Variants in MTHFS observed in about 807,000 individuals in gnomAD.
The protein encoded by MTHFS is methenyltetrahydrofolate synthetase.
In MTHFS, 7 loss-of-function variants were observed where a neutral mutation model predicts 12.7. The ratio of observed to expected loss-of-function variants is 0.55; its 90% CI spans 0.31 to 1.03. The LOEUF (loss-of-function observed/expected upper bound fraction) is 1.03, where lower values mean the gene tolerates loss of function less well. MTHFS is among the 50% of genes least tolerant of loss of function. MTHFS has a pLI of 0.05. For missense variants in MTHFS, 252 were observed against 258.1 expected, an observed-to-expected ratio of 0.98 and a Z score of 0.16; for synonymous variants, 100 against 97.1, an observed-to-expected ratio of 1.03 and a Z score of -0.18.
chr15:79,889,042 G>A (rs1201990164), intron 2 of MTHFS, 51 bp downstream of exon 2: 1 of 1,596,296 alleles, frequency 6.3e-7, no homozygotes, highest in Non-Finnish European at 8.6e-7. Context: ...GTGGATCTGA[G>A]ATCTAACAAC....
At chr15:79,869,934 C>T (rs766403317) in intron 2 of MTHFS, among the ~76,000 whole-genome samples, 8 of 151,750 alleles carry the variant, frequency 5.3e-5, no homozygotes, top group African/African-American at 1.7e-4. Context: ...ACCAAAGTAA[C>T]TATAATAATA....
chr15:79,887,925 G>T (rs1315111323), intron 2 of MTHFS, among the ~76,000 whole-genome samples: 1 of 152,064 alleles, frequency 6.6e-6, no homozygotes, highest in East Asian at 1.9e-4. Flanking sequence ...ACTGTTACGA[G>T]TCCTTGACCC....
At chr15:79,891,044 GTA>G (rs2034464452) in intron 1 of MTHFS, among the ~76,000 whole-genome samples, 1 of 152,044 alleles carries the variant, frequency 6.6e-6, no homozygotes, top group Non-Finnish European at 1.5e-5. Flanking sequence ...TTATATGATG[GTA>G]AAGAAGCACA....
At chr15:79,849,103 C>T (rs2033667882) in intron 2 of MTHFS, among the ~76,000 whole-genome samples, 1 of 152,126 alleles carries the variant, frequency 6.6e-6, no homozygotes, top group African/African-American at 2.4e-5. Context: ...AACTAAGGCT[C>T]GGAAACAGCC....
rs1464817963 is a variant in MTHFS at position 79,896,984 on chromosome 15, G to A, written c.5C>T (p.Ala2Val). The change falls in exon 1 of 3, where the codon GCG becomes GTG. Residue 2 changes from alanine to valine, a missense_variant. Physicochemically the swap from Ala to Val is moderately conservative, Grantham distance 64 (BLOSUM62 0). Coordinates refer to ENST00000258874, the MANE Select transcript of MTHFS (RefSeq NM_006441.4). M[A>V]AAAVSSAKRS... ...CTTGGCGCTGCTCACCGCTGCCGCC[G>A]CCATCTCACGCCCAAGCCGAGTCCA... is the stretch of plus-strand genomic sequence containing the variant. 2 of 1,528,320 alleles carry A rather than the reference G, an allele frequency of 1.3e-6. No individual in the cohort carries two copies. The highest frequency in any genetic ancestry group is 2.0e-5 in the Admixed American group (1 of 50,544). 94.7% of individuals were successfully genotyped at this position (1,528,320 alleles called of 1,614,324 possible).
At chr15:79,849,853 G>T (rs1369595047) in intron 2 of MTHFS, among the ~76,000 whole-genome samples, 1 of 152,200 alleles carries the variant, frequency 6.6e-6, no homozygotes, top group African/African-American at 2.4e-5. Context: ...ATGTGATCTT[G>T]CATTCCAAAA....
At chr15:79,867,596 A>T (rs968092355) in intron 2 of MTHFS, among the ~76,000 whole-genome samples, 1 of 151,988 alleles carries the variant, frequency 6.6e-6, no homozygotes, top group African/African-American at 2.4e-5. Flanking sequence ...ATAGAAAAAA[A>T]TGTAATGATG....
At chr15:79,850,549 G>A (rs910387850) in intron 2 of MTHFS, among the ~76,000 whole-genome samples, 2 of 152,182 alleles carry the variant, frequency 1.3e-5, no homozygotes, top group Non-Finnish European at 2.9e-5. Flanking sequence ...AAAAACAGGT[G>A]GAGGGCCAGA....
At chr15:79,869,376 T>C (rs1442706273) in intron 2 of MTHFS, among the ~76,000 whole-genome samples, 1 of 151,678 alleles carries the variant, frequency 6.6e-6, no homozygotes, top group African/African-American at 2.4e-5. Flanking sequence ...GCTGCATCTA[T>C]AATATAAAAT....
chr15:79,893,959 C>T (rs1011954739), intron 1 of MTHFS, among the ~76,000 whole-genome samples: 3 of 152,178 alleles, frequency 2.0e-5, no homozygotes, highest in Non-Finnish European at 4.4e-5. Context: ...TGAAAGACAT[C>T]ATTTAACACC....
intron 2 of MTHFS, among the ~76,000 whole-genome samples, chr15:79,883,014 T>A (rs2034322404): frequency 6.6e-6 from 1 of 152,214 alleles, no homozygotes; most frequent in African/African-American, 2.4e-5. Flanking sequence ...AAGATCAGCC[T>A]GGGCAACAGA....
rs1354230851 is a variant in MTHFS at position 79,844,031 on chromosome 15, AG to A, written c.*1178del. On this transcript the variant is annotated 3_prime_UTR_variant, in exon 3 of 3. Transcript: ENST00000258874. ...TGCAGTGCTCAGTCAGTGTTACAGG[AG>A]AATACAGAGTTGGGAGAGAAGAGGC... 1.3e-5 allele frequency: 2 copies of A among 152,258 alleles called. No homozygotes were observed. The highest frequency in any genetic ancestry group is 4.8e-5 in the African/African-American group (2 of 41,458). 9.4% of individuals were successfully genotyped at this position (152,258 alleles called of 1,614,324 possible).
intron 2 of MTHFS, among the ~76,000 whole-genome samples, chr15:79,886,646 G>GT (rs918650933): frequency 4.7e-4 from 71 of 151,938 alleles, no homozygotes; most frequent in Non-Finnish European, 1.0e-4. Context: ...TTAATATTCA[G>GT]TATCTTTTCA....
chr15:79,872,675 AG>A (rs1445030418), intron 2 of MTHFS, among the ~76,000 whole-genome samples: 2 of 152,254 alleles, frequency 1.3e-5, no homozygotes, highest in Non-Finnish European at 2.9e-5. Flanking sequence ...CGTAATTTCC[AG>A]GTTGTTGCCA....
chr15:79,879,321 C>CTT (rs565488885), intron 2 of MTHFS, among the ~76,000 whole-genome samples: 2,760 of 79,338 alleles, frequency 0.035, 137 homozygotes, highest in East Asian at 0.19. Flanking sequence ...AATTATTACC[C>CTT]TTTTTTTTTT....
intron 2 of MTHFS, among the ~76,000 whole-genome samples, chr15:79,849,357 T>A (rs2033672226): frequency 6.6e-6 from 1 of 152,218 alleles, no homozygotes; most frequent in African/African-American, 2.4e-5. Flanking sequence ...GCTCTTCCTG[T>A]GCCTTACCAC....
chr15:79,883,224 G>A (rs531265324), intron 2 of MTHFS, among the ~76,000 whole-genome samples: 11 of 152,246 alleles, frequency 7.2e-5, no homozygotes, highest in East Asian at 1.9e-4. Context: ...AAGTTACAGC[G>A]CCTTATAAAA....
At chr15:79,893,003 T>TTGTAAATACTGTTTAC in intron 1 of MTHFS, among the ~76,000 whole-genome samples, 1 of 152,310 alleles carries the variant, frequency 6.6e-6, no homozygotes, top group African/African-American at 2.4e-5. Context: ...TTACATATTT[T>TTGTAAATACTGTTTAC]TGTAAATACT....
At chr15:79,896,540 C>T (rs1179185209) in intron 1 of MTHFS, among the ~76,000 whole-genome samples, 1 of 152,254 alleles carries the variant, frequency 6.6e-6, no homozygotes, top group Non-Finnish European at 1.5e-5. Flanking sequence ...CACCACAGCA[C>T]CGTCATCCCC....
Sources: allele counts gnomAD v4.1 joint callset (sites outside exome capture counted in the v4.1 genomes callset), GRCh38; gene constraint gnomAD v4.1.1; transcripts MANE v1.5; gene names NCBI Gene and HGNC (gene_info 2026-07-23, HGNC 2026-07-21).